The following PPM1L variants were observed in gnomAD, a reference collection of about 807,000 sequenced individuals.
PPM1L encodes protein phosphatase 1L.
In PPM1L, 13 loss-of-function variants were observed where a neutral mutation model predicts 31.4. The observed-to-expected ratio is 0.41, with a 90% CI of 0.27 to 0.66. The LOEUF is 0.66. Ranked by LOEUF, PPM1L falls within the 30% of genes least tolerant of loss-of-function variation. PPM1L has a pLI of 0.29. For missense variants in PPM1L, 326 were observed against 453.7 expected (o/e 0.72, Z 2.56); for synonymous variants, 184 against 175.4 (o/e 1.05, Z -0.39).
intron 1 of PPM1L, among the ~76,000 whole-genome samples, chr3:160,927,433 C>G (rs1485457277): frequency 6.6e-6 from 1 of 151,988 alleles, no homozygotes; most frequent in African/African-American, 2.4e-5. Flanking sequence ...AAAAAAAAAC[C>G]CTACATAGCA....
chr3:160,827,438 G>T (rs1366029848), intron 1 of PPM1L, among the ~76,000 whole-genome samples: 1 of 134,172 alleles, frequency 7.5e-6, no homozygotes, highest in Non-Finnish European at 1.6e-5. Flanking sequence ...AAAGTGTTTT[G>T]ATATAAGTTT....
chr3:160,948,253 A>G (rs1211702501), intron 1 of PPM1L, among the ~76,000 whole-genome samples: 2 of 152,156 alleles, frequency 1.3e-5, no homozygotes, highest in Non-Finnish European at 2.9e-5. Context: ...GTCATTTTCT[A>G]TTTACACAAG....
At chr3:161,038,585 T>TTA (rs1491487482) in intron 2 of PPM1L, among the ~76,000 whole-genome samples, 1 of 110,584 alleles carries the variant, frequency 9.0e-6, no homozygotes, top group African/African-American at 3.1e-5. Flanking sequence ...GGATTTGTTT[T>TTA]AAAAAAAAAA....
intron 1 of PPM1L, among the ~76,000 whole-genome samples, chr3:160,819,726 T>A (rs1713135766): frequency 6.6e-6 from 1 of 152,050 alleles, no homozygotes; most frequent in South Asian, 2.1e-4. Context: ...ATTTTGTTAA[T>A]TGTCCTTCTC....
At chr3:160,882,732 C>T (rs557345651) in intron 1 of PPM1L, among the ~76,000 whole-genome samples, 2 of 152,314 alleles carry the variant, frequency 1.3e-5, no homozygotes, top group South Asian at 2.1e-4. Flanking sequence ...TTCCCACTCA[C>T]CGTTGTTCCC....
At position 160,944,970 on chromosome 3, in the gene PPM1L, T is replaced by TAACA. The variant is rs1559897491; in HGVS notation, c.400-16766_400-16765insAACA. On this transcript the variant is annotated intron_variant, in intron 1 of 3. Coordinates refer to ENST00000498165, the MANE Select transcript of PPM1L (RefSeq NM_139245.4). ...ACTATATATAACTATATAACATATA[T>TAACA]TATATATAACTATATATAACATATA... Among the ~76,000 whole-genome samples, 52 of 69,638 alleles carry TAACA rather than the reference T, an allele frequency of 7.5e-4. 6 individuals are homozygous for TAACA. The highest frequency in any genetic ancestry group is 2.3e-3 in the African/African-American group (49 of 21,700). 45.7% of individuals were successfully genotyped at this position (69,638 alleles called of 152,430 possible).
intron 2 of PPM1L, among the ~76,000 whole-genome samples, chr3:161,050,428 A>G (rs930239542): frequency 9.2e-5 from 14 of 152,232 alleles, no homozygotes; most frequent in African/African-American, 3.1e-4. Context: ...TATTGTATCT[A>G]GGAAATTAGG....
chr3:161,064,912 C>A (rs1719678351), intron 2 of PPM1L, among the ~76,000 whole-genome samples: 1 of 152,006 alleles, frequency 6.6e-6, no homozygotes, highest in African/African-American at 2.4e-5. Context: ...GCAAGCTCAA[C>A]CTGTCCTGAC....
In PPM1L at chr3:161,065,478, T is replaced by C; in HGVS notation, c.650T>C (p.Leu217Pro). ...VANVGDSRGV[L>P]CDKDGNAIPL... Reference sequence around the variant, plus strand: ...AACGTGGGTGACTCGCGCGGGGTCCTGTGTGACAAAGATGGGAACGCTATT... The same window carrying C: ...AACGTGGGTGACTCGCGCGGGGTCCCGTGTGACAAAGATGGGAACGCTATT... The change falls in exon 3 of 4, where the codon CTG (leucine) becomes CCG (proline). Residue 217 changes from leucine (L) to proline (P), a missense_variant. Coordinates refer to ENST00000498165, the MANE Select transcript of PPM1L (RefSeq NM_139245.4). The C allele has an allele frequency of 6.2e-7, 1 of 1,614,060 alleles. No homozygotes were observed. Among genetic ancestry groups the C allele is most frequent in the Non-Finnish European group, 8.5e-7 (1 of 1,179,942 alleles).
intron 2 of PPM1L, among the ~76,000 whole-genome samples, chr3:160,983,286 G>A (rs1716860560): frequency 6.6e-6 from 1 of 152,170 alleles, no homozygotes; most frequent in Non-Finnish European, 1.5e-5. Flanking sequence ...TCTTTTTGCT[G>A]TAATGACAGT....
chr3:160,955,478 C>T (rs373908295), intron 1 of PPM1L, among the ~76,000 whole-genome samples: 3 of 151,902 alleles, frequency 2.0e-5, no homozygotes, highest in Non-Finnish European at 4.4e-5. Context: ...GGGATTCATG[C>T]GTATTTTTGC....
At chr3:160,873,962 T>C (rs1344296709) in intron 1 of PPM1L, among the ~76,000 whole-genome samples, 2 of 152,230 alleles carry the variant, frequency 1.3e-5, no homozygotes, top group Non-Finnish European at 2.9e-5. Context: ...GAAAATGGTA[T>C]GGTCTTTTAT....
At chr3:160,826,368 G>T (rs578197896) in intron 1 of PPM1L, among the ~76,000 whole-genome samples, 1 of 152,194 alleles carries the variant, frequency 6.6e-6, no homozygotes, top group Admixed American at 6.5e-5. Flanking sequence ...GCTTAAAGAT[G>T]CTATTTGTTT....
chr3:160,824,290 T>TA, intron 1 of PPM1L, among the ~76,000 whole-genome samples: 1 of 152,112 alleles, frequency 6.6e-6, no homozygotes, highest in Admixed American at 6.6e-5. Flanking sequence ...CTGACCATAT[T>TA]GGCTCCCCAG....
At chr3:161,058,607 C>T (rs574393037) in intron 2 of PPM1L, among the ~76,000 whole-genome samples, 3 of 151,816 alleles carry the variant, frequency 2.0e-5, no homozygotes, top group African/African-American at 7.2e-5. Context: ...GGGGGAGGGG[C>T]TGAGGATTGG....
chr3:160,785,402 T>A (rs930390128), intron 1 of PPM1L, among the ~76,000 whole-genome samples: 4 of 152,172 alleles, frequency 2.6e-5, no homozygotes, highest in Non-Finnish European at 5.9e-5. Context: ...GAAGGATGTA[T>A]TACTTTTTAT....
At chr3:160,868,226 C>T (rs899012956) in intron 1 of PPM1L, among the ~76,000 whole-genome samples, 2 of 152,134 alleles carry the variant, frequency 1.3e-5, no homozygotes, top group Non-Finnish European at 1.5e-5. Context: ...TACAAATACA[C>T]AAGTGACACC....
Position 160,961,864 on chromosome 3 carries a change from T to G in PPM1L, c.528T>G (p.Ile176Met). 6.3e-7 allele frequency: 1 copy of G among 1,595,894 alleles called. No individual in the cohort carries two copies. The change falls in exon 2 of 4, where the codon ATT (isoleucine) becomes ATG (methionine). Residue 176 changes from isoleucine (I) to methionine (M), a missense_variant. This residue lies in a region of PPM1L where 201 missense variants were observed against 298.2 expected (regional missense o/e 0.67). Coordinates refer to ENST00000498165, the MANE Select transcript of PPM1L (RefSeq NM_139245.4). ...QTILEQQILSIDREMLEKLTV... is the reference protein window; with the variant it reads ...QTILEQQILSMDREMLEKLTV... Reference sequence around the variant, plus strand: ...TCCTTGAACAGCAGATTTTGTCAATTGACCGAGAAATGCTAGAAAAATTGA... The same window carrying G: ...TCCTTGAACAGCAGATTTTGTCAATGGACCGAGAAATGCTAGAAAAATTGA...
chr3:160,957,634 G>A (rs113833259), intron 1 of PPM1L, among the ~76,000 whole-genome samples: 9,937 of 148,664 alleles, frequency 0.067, 500 homozygotes, highest in African/African-American at 0.13. Flanking sequence ...CTGGAGTGCA[G>A]TGGTGCAATG....
Sources: allele counts gnomAD v4.1 joint callset (sites outside exome capture counted in the v4.1 genomes callset), GRCh38; gene constraint gnomAD v4.1.1; regional missense constraint gnomAD v4.1.1; transcripts MANE v1.5; gene names NCBI Gene and HGNC (gene_info 2026-07-23, HGNC 2026-07-21).